PARP4: variants seen among roughly 807,000 people sequenced by gnomAD.
The protein encoded by PARP4 is poly(ADP-ribose) polymerase family member 4.
In PARP4, 120 loss-of-function variants were observed where a neutral mutation model predicts 187.7. The observed-to-expected ratio is 0.64, with a 90% CI of 0.55 to 0.74. PARP4 has a LOEUF of 0.74. Ranked by LOEUF, PARP4 falls within the 30% of genes least tolerant of loss-of-function variation. PARP4 has a pLI of 0.00. For missense variants in PARP4, 1,836 were observed against 2,070.5 expected, an observed-to-expected ratio of 0.89 and a Z score of 2.20; for synonymous variants, 654 against 740.9, an observed-to-expected ratio of 0.88 and a Z score of 1.90.
chr13:24,469,707 C>T (rs531173679), intron 16 of PARP4, among the ~76,000 whole-genome samples, 187 bp downstream of exon 16: 9 of 152,282 alleles, frequency 5.9e-5, no homozygotes, highest in African/African-American at 2.2e-4. Flanking sequence ...GGTAGAAACC[C>T]TTCATCACGG....
intron 10 of PARP4, 21 bp from the exon 11 acceptor site, chr13:24,486,326 G>A (rs771937985): frequency 1.7e-5 from 26 of 1,509,512 alleles, no homozygotes; most frequent in Non-Finnish European, 2.1e-5. Flanking sequence ...TAGAAGAAAA[G>A]CCTTTAGATT....
At chr13:24,504,620 C>T (rs1364060027) in intron 1 of PARP4, among the ~76,000 whole-genome samples, 1 of 152,054 alleles carries the variant, frequency 6.6e-6, no homozygotes, top group Non-Finnish European at 1.5e-5. Flanking sequence ...CTGTACAACA[C>T]ATTCTCAATT....
chr13:24,456,221 G>A (rs1436567435), intron 21 of PARP4, 120 bp downstream of exon 21: 15 of 730,398 alleles, frequency 2.1e-5, no homozygotes. Context: ...ATCTTGAGAT[G>A]TGAGAGTTCA....
intron 5 of PARP4, 82 bp downstream of exon 5, chr13:24,499,219 G>T: frequency 1.4e-6 from 2 of 1,401,024 alleles, no homozygotes; most frequent in South Asian, 3.4e-5. Flanking sequence ...ATGAGAAAAT[G>T]ACCGAATAGG....
At chr13:24,476,785 G>A (rs17384669) in intron 14 of PARP4, among the ~76,000 whole-genome samples, 12,017 of 152,236 alleles carry the variant, frequency 0.079, 648 homozygotes, top group Non-Finnish European at 0.12. Context: ...GATACTCTGA[G>A]AAGTGAATAT....
chr13:24,464,904 G>A (rs1258411059), intron 17 of PARP4, among the ~76,000 whole-genome samples: 1 of 151,846 alleles, frequency 6.6e-6, no homozygotes, highest in Non-Finnish European at 1.5e-5. Flanking sequence ...ATCTGATGAA[G>A]GTCTAATATC....
chr13:24,424,908 C>T (rs1384799018), intron 33 of PARP4, among the ~76,000 whole-genome samples: 1 of 151,346 alleles, frequency 6.6e-6, no homozygotes, highest in African/African-American at 2.4e-5. Flanking sequence ...TGGTCTCGAT[C>T]TCCCAACCTC....
chr13:24,460,984 A>T lies in PARP4; in HGVS notation c.2134-848T>A, dbSNP rs1566002041. 1.3e-5 allele frequency among the ~76,000 whole-genome samples: 2 copies of T among 152,100 alleles called. 1 individual carries two copies. Among genetic ancestry groups the T allele is most frequent in the Admixed American group, 1.3e-4 (2 of 15,254 alleles). ...ACCCAGCCTATCATGTTATTTTTTTACTAAAAAGTCTTTAGCTTTCTTTTA... is the reference window on the plus strand; with the variant it reads ...ACCCAGCCTATCATGTTATTTTTTTTCTAAAAAGTCTTTAGCTTTCTTTTA... On this transcript the variant is annotated intron_variant, in intron 17 of 33. Coordinates refer to ENST00000381989, the MANE Select transcript of PARP4 (RefSeq NM_006437.4).
chr13:24,501,571 A>G, intron 3 of PARP4, 62 bp downstream of exon 3: 1 of 1,138,150 alleles, frequency 8.8e-7, no homozygotes, highest in Non-Finnish European at 1.3e-6. Flanking sequence ...GGTATCTTTG[A>G]CAAACCCAAG....
At chr13:24,474,769 T>C (rs199544765) in intron 15 of PARP4, among the ~76,000 whole-genome samples, 382 of 135,136 alleles carry the variant, frequency 2.8e-3, no homozygotes, top group South Asian at 7.3e-3. Context: ...CAGAGTGAGC[T>C]GGTTAAAACA....
chr13:24,430,047 G>T (rs7987908), intron 32 of PARP4, among the ~76,000 whole-genome samples: 142,718 of 152,292 alleles, frequency 0.94, 67,008 homozygotes, highest in East Asian at 0.99. Flanking sequence ...TGCCTGTTTT[G>T]GATTATTCTC....
chr13:24,483,492 CA>C (rs745935813), intron 12 of PARP4, among the ~76,000 whole-genome samples: 90 of 107,986 alleles, frequency 8.3e-4, no homozygotes, highest in East Asian at 1.1e-3. Context: ...GACTCCGTCT[CA>C]AAAAAAAAAA....
intron 18 of PARP4, among the ~76,000 whole-genome samples, chr13:24,459,658 G>A (rs1872096289): frequency 6.6e-6 from 1 of 151,836 alleles, no homozygotes; most frequent in Non-Finnish European, 1.5e-5. Flanking sequence ...GATAAAGGAT[G>A]GTTTTAATTT....
chr13:24,462,550 G>A (rs925115174), intron 17 of PARP4, among the ~76,000 whole-genome samples: 18 of 151,912 alleles, frequency 1.2e-4, no homozygotes, highest in Non-Finnish European at 2.1e-4. Flanking sequence ...AAAAAGCAAG[G>A]AAAAAATGAC....
intron 1 of PARP4, among the ~76,000 whole-genome samples, chr13:24,510,435 T>G (rs1398912914): frequency 6.7e-6 from 1 of 150,200 alleles, no homozygotes; most frequent in East Asian, 2.0e-4. Flanking sequence ...GTGCCTGTAG[T>G]CCCAGCTACT....
At chr13:24,460,476 G>A (rs993443189) in intron 17 of PARP4, among the ~76,000 whole-genome samples, 11 of 97,016 alleles carry the variant, frequency 1.1e-4, no homozygotes, top group Non-Finnish European at 1.8e-4. Context: ...TCTGCTGCAC[G>A]GGTGGGCTCT....
At chr13:24,438,641 G>C (rs1870752900) in intron 30 of PARP4, among the ~76,000 whole-genome samples, 1 of 152,356 alleles carries the variant, frequency 6.6e-6, no homozygotes, top group East Asian at 1.9e-4. Flanking sequence ...TGGTGCAGAA[G>C]ACACTGCGCC....
intron 30 of PARP4, among the ~76,000 whole-genome samples, chr13:24,436,079 T>C (rs1324924170): frequency 6.6e-6 from 1 of 152,178 alleles, no homozygotes; most frequent in Non-Finnish European, 1.5e-5. Flanking sequence ...TCTTAGTTCT[T>C]AGAATTGCGG....
intron 12 of PARP4, among the ~76,000 whole-genome samples, chr13:24,483,193 A>G (rs571051854): frequency 6.6e-6 from 1 of 151,994 alleles, no homozygotes; most frequent in South Asian, 2.1e-4. Context: ...CTAATTTTAA[A>G]AAGTTTTTTT....
Sources: gnomAD v4.1 joint callset for allele counts (sites outside exome capture counted in the v4.1 genomes callset) on GRCh38, gnomAD v4.1.1 for gene constraint, MANE v1.5 for transcripts, NCBI Gene and HGNC (gene_info 2026-07-23, HGNC 2026-07-21) for gene names.